Variants in RIMS4 observed in about 807,000 individuals in gnomAD.
RIMS4 encodes the protein regulating synaptic membrane exocytosis protein 4.
A neutral mutation model predicts 29.0 loss-of-function variants in RIMS4; 9 were observed. The ratio of observed to expected loss-of-function variants is 0.31; its 90% confidence interval spans 0.19 to 0.54. The LOEUF is 0.54. RIMS4 is among the 20% of genes least tolerant of loss of function. RIMS4 has a pLI of 0.94. For missense variants in RIMS4, 193 were observed against 365.7 expected (o/e 0.53, Z 3.85); for synonymous variants, 130 against 152.9 (o/e 0.85, Z 1.10).
chr20:44,800,652 G>A (rs2145478702), intron 1 of RIMS4, among the ~76,000 whole-genome samples: 2 of 152,146 alleles, frequency 1.3e-5, no homozygotes, highest in Middle Eastern at 3.4e-3. Flanking sequence ...GGGAGACAAA[G>A]GAGGAACTGG....
rs1555866087 is a variant in RIMS4 at position 44,810,522 on chromosome 20, CGGCGGT to C, written c.-257_-252del. Among the ~76,000 whole-genome samples the C allele has an allele frequency of 4.2e-5, 6 of 143,578 alleles. No individual in the cohort carries two copies. The highest frequency in any genetic ancestry group is 1.4e-4 in the Admixed American group (2 of 14,520). 94.2% of individuals were successfully genotyped at this position (143,578 alleles called of 152,430 possible). A position where few individuals can be genotyped will look rare whatever the true frequency, so the allele number is the denominator to read the frequency against. ...GCGGCGGCGGCGGCGGCGGTGGCGG[CGGCGGT>C]GGCGGCGCAGCGCGCTCTGGTCCGC... On this transcript the variant is annotated 5_prime_UTR_variant, in exon 1 of 6. Coordinates refer to ENST00000372851, the MANE Select transcript of RIMS4 (RefSeq NM_182970.4).
intron 2 of RIMS4, among the ~76,000 whole-genome samples, chr20:44,759,341 C>T (rs1017995565): frequency 2.0e-5 from 3 of 152,124 alleles, no homozygotes; most frequent in South Asian, 4.1e-4. Flanking sequence ...CTTCGAACTC[C>T]TGGGTTTAAG....
chr20:44,778,432 T>G (rs1189174069), intron 1 of RIMS4, among the ~76,000 whole-genome samples: 1 of 152,148 alleles, frequency 6.6e-6, no homozygotes, highest in Non-Finnish European at 1.5e-5. Flanking sequence ...TCCCAACACT[T>G]TGGGAGGCCA....
chr20:44,775,021 G>C (rs2066153688), intron 1 of RIMS4, among the ~76,000 whole-genome samples: 1 of 152,134 alleles, frequency 6.6e-6, no homozygotes. Flanking sequence ...ATTCTCTAGT[G>C]ACTGCTCACC....
chr20:44,780,429 G>A (rs1383941285), intron 1 of RIMS4, among the ~76,000 whole-genome samples: 1 of 152,206 alleles, frequency 6.6e-6, no homozygotes, highest in African/African-American at 2.4e-5. Flanking sequence ...TTAGAACTAC[G>A]AAGCATCCCT....
chr20:44,796,123 C>T (rs1382738678), intron 1 of RIMS4, among the ~76,000 whole-genome samples: 1 of 151,406 alleles, frequency 6.6e-6, no homozygotes. Context: ...TTGGCCAACG[C>T]TACTCACACC....
chr20:44,804,948 G>A (rs879151431), intron 1 of RIMS4, among the ~76,000 whole-genome samples: 5 of 152,170 alleles, frequency 3.3e-5, no homozygotes, highest in Non-Finnish European at 1.5e-5. Context: ...GGGGTAAGGC[G>A]TGAATCCTCA....
At chr20:44,757,939 G>A (rs1000218271) in intron 3 of RIMS4, 133 bp downstream of exon 3, 1 of 925,690 alleles carries the variant, frequency 1.1e-6, no homozygotes, top group Admixed American at 1.9e-5. Flanking sequence ...GGGCTTGAGA[G>A]TGTGCCCTGG....
Position 44,764,130 on chromosome 20 carries a change from CCATCCATTTATG to C in RIMS4, c.237-5958_237-5947del, listed in dbSNP as rs1205889439. On this transcript the variant is annotated intron_variant, in intron 2 of 5. Coordinates refer to ENST00000372851, the MANE Select transcript of RIMS4 (RefSeq NM_182970.4). ...TCCATCCATTTATCCATCCATCCAT[CCATCCATTTATG>C]CATCCATTTATCCATCCATCCATCC... Among the ~76,000 whole-genome samples the C allele has an allele frequency of 3.0e-4, 44 of 148,494 alleles. 1 individual carries two copies. The highest frequency in any genetic ancestry group is 1.0e-3 in the African/African-American group (40 of 40,072).
chr20:44,789,320 C>A (rs958232281), intron 1 of RIMS4, among the ~76,000 whole-genome samples: 46 of 152,112 alleles, frequency 3.0e-4, no homozygotes, highest in Non-Finnish European at 6.5e-4. Flanking sequence ...TTTTTTGAGA[C>A]GGAGTCTCTC....
At chr20:44,804,340 T>C (rs2066289276) in intron 1 of RIMS4, among the ~76,000 whole-genome samples, 1 of 152,196 alleles carries the variant, frequency 6.6e-6, no homozygotes, top group Non-Finnish European at 1.5e-5. Context: ...GAGACTTGCT[T>C]GAGGTCAGAG....
intron 2 of RIMS4, among the ~76,000 whole-genome samples, chr20:44,766,396 C>A (rs1051298501): frequency 1.3e-5 from 2 of 152,056 alleles, no homozygotes; most frequent in African/African-American, 4.8e-5. Context: ...GCAATGGATG[C>A]AAAGACCTGG....
At chr20:44,787,359 T>G (rs2066213427) in intron 1 of RIMS4, among the ~76,000 whole-genome samples, 1 of 152,194 alleles carries the variant, frequency 6.6e-6, no homozygotes, top group African/African-American at 2.4e-5. Flanking sequence ...TAGCATTCAT[T>G]GGGCACGGGT....
intron 2 of RIMS4, among the ~76,000 whole-genome samples, chr20:44,764,183 CATCCATTT>C (rs1226688502): frequency 9.0e-4 from 17 of 18,884 alleles, no homozygotes; most frequent in East Asian, 1.7e-3. Flanking sequence ...TCCATCCATC[CATCCATTT>C]ATCCATCCAT....
intron 1 of RIMS4, 62 bp downstream of exon 1, chr20:44,810,113 G>A: frequency 1.9e-6 from 2 of 1,034,694 alleles, no homozygotes; most frequent in Non-Finnish European, 2.8e-6. Context: ...GGTCGGGGAG[G>A]GGGCTACCGG....
chr20:44,765,989 A>G (rs920770019), intron 2 of RIMS4, among the ~76,000 whole-genome samples: 1 of 152,226 alleles, frequency 6.6e-6, no homozygotes, highest in Non-Finnish European at 1.5e-5. Context: ...CAGAGCACCA[A>G]CTGTGGGCCA....
chr20:44,762,536 A>G (rs1168383432), intron 2 of RIMS4, among the ~76,000 whole-genome samples: 1 of 152,066 alleles, frequency 6.6e-6, no homozygotes, highest in African/African-American at 2.4e-5. Context: ...GTTTCCTCCA[A>G]CGTCATCATT....
In RIMS4 at chr20:44,807,160, T is replaced by A. The variant is rs145013788; in HGVS notation, c.97+3015A>T. 7.9e-3 allele frequency among the ~76,000 whole-genome samples: 1,203 copies of A among 152,162 alleles called. 19 individuals carry two copies. Among genetic ancestry groups the A allele is most frequent in the African/African-American group, 0.028 (1,146 of 41,500 alleles). The stretch of plus-strand genomic sequence containing the variant: ...CTTGTGAAAGAGGGCAAAAGGAGCA[T>A]CTCAAGAAGTAAGTTCAAAGTGCAC... On this transcript the variant is annotated intron_variant, in intron 1 of 5. Coordinates refer to ENST00000372851, the MANE Select transcript of RIMS4 (RefSeq NM_182970.4).
intron 1 of RIMS4, among the ~76,000 whole-genome samples, chr20:44,785,309 G>A (rs1374569163): frequency 6.6e-6 from 1 of 151,424 alleles, no homozygotes; most frequent in Non-Finnish European, 1.5e-5. Context: ...GCTCACTGCA[G>A]CCTTGACTTC....
Sources: gnomAD v4.1 joint callset for allele counts (sites outside exome capture counted in the v4.1 genomes callset) on GRCh38, gnomAD v4.1.1 for gene constraint, MANE v1.5 for transcripts, NCBI Gene and HGNC (gene_info 2026-07-23, HGNC 2026-07-21) for gene names.